The following PRKCQ variants were observed in gnomAD, a reference collection of about 807,000 sequenced individuals.
PRKCQ encodes protein kinase C theta type.
A neutral mutation model predicts 91.2 loss-of-function variants in PRKCQ; 41 were observed. The observed-to-expected ratio is 0.45, with a 90% CI of 0.35 to 0.58. PRKCQ has a LOEUF of 0.58. PRKCQ is among the 20% of genes least tolerant of loss of function. The probability of loss-of-function intolerance (pLI) is 0.00; values close to 1 mark genes in which losing one functional copy is unlikely to be tolerated. For missense variants in PRKCQ, 673 were observed against 896.5 expected (o/e 0.75, Z 3.18); for synonymous variants, 307 against 316.9 (o/e 0.97, Z 0.33).
chr10:6,432,150 A>G lies in PRKCQ; in HGVS notation c.1837-1212T>C, dbSNP rs563905177. Among the ~76,000 whole-genome samples the G allele has an allele frequency of 1.3e-3, 193 of 152,354 alleles. 1 individual carries two copies. The highest frequency in any genetic ancestry group is 3.7e-3 in the African/African-American group (154 of 41,582). On this transcript the variant is annotated intron_variant, in intron 16 of 17. Coordinates refer to ENST00000263125, the MANE Select transcript of PRKCQ (RefSeq NM_006257.5). ...TAAGGAGCCTAAGGTTCTTTAAAAC[A>G]GAAAACATGGTGGAACGCGTGATTT...
At chr10:6,512,988 T>C (rs982343446) in intron 2 of PRKCQ, among the ~76,000 whole-genome samples, 1 of 152,188 alleles carries the variant, frequency 6.6e-6, no homozygotes, top group African/African-American at 2.4e-5. Context: ...GATACTTCCT[T>C]TTGATGGTAA....
At chr10:6,479,782 A>AAG (rs1836486518) in intron 11 of PRKCQ, among the ~76,000 whole-genome samples, 1 of 148,526 alleles carries the variant, frequency 6.7e-6, no homozygotes, top group East Asian at 2.0e-4. Flanking sequence ...AAAAAAAAAA[A>AAG]AAAAAAAAAA....
At chr10:6,508,848 G>A (rs1838327978) in intron 3 of PRKCQ, among the ~76,000 whole-genome samples, 1 of 152,192 alleles carries the variant, frequency 6.6e-6, no homozygotes, top group African/African-American at 2.4e-5. Context: ...AGCACATTTT[G>A]GGGAGTGAAT....
At chr10:6,530,513 G>T (rs1839353844) in intron 1 of PRKCQ, among the ~76,000 whole-genome samples, 1 of 152,242 alleles carries the variant, frequency 6.6e-6, no homozygotes, top group Non-Finnish European at 1.5e-5. Flanking sequence ...TGCCGGCTCT[G>T]CCCGGCAACG....
At chr10:6,436,101 G>A (rs747901525) in intron 16 of PRKCQ, among the ~76,000 whole-genome samples, 16 of 152,126 alleles carry the variant, frequency 1.1e-4, no homozygotes, top group South Asian at 2.1e-4. Flanking sequence ...GTGACAGAGC[G>A]ACACTCTGTC....
chr10:6,401,603 A>G, the PRKCQ span, among the ~76,000 whole-genome samples: 1 of 151,954 alleles, frequency 6.6e-6, no homozygotes. Context: ...ACTGATTACA[A>G]CACCTGGGGT....
At chr10:6,480,615 C>T (rs888833934) in intron 11 of PRKCQ, among the ~76,000 whole-genome samples, 2 of 152,234 alleles carry the variant, frequency 1.3e-5, no homozygotes, top group African/African-American at 2.4e-5. Context: ...CCAATTACTA[C>T]TGCATTCTCT....
intron 3 of PRKCQ, among the ~76,000 whole-genome samples, chr10:6,508,048 C>A (rs1180851125): frequency 6.6e-6 from 1 of 152,078 alleles, no homozygotes; most frequent in Non-Finnish European, 1.5e-5. Flanking sequence ...TTGGATGGTC[C>A]ACTAAAGAAA....
chr10:6,432,185 C>T (rs1208870591), intron 16 of PRKCQ, among the ~76,000 whole-genome samples: 1 of 152,134 alleles, frequency 6.6e-6, no homozygotes, highest in African/African-American at 2.4e-5. Context: ...TTCCAGGAGG[C>T]TTTCCCAGGG....
At chr10:6,525,903 G>T (rs1159195705) in intron 1 of PRKCQ, among the ~76,000 whole-genome samples, 1 of 152,108 alleles carries the variant, frequency 6.6e-6, no homozygotes, top group Non-Finnish European at 1.5e-5. Flanking sequence ...CTCCTTTCTA[G>T]ACCTCAGCTC....
At chr10:6,571,204 A>G (rs1841033501) in intron 1 of PRKCQ, among the ~76,000 whole-genome samples, 1 of 151,924 alleles carries the variant, frequency 6.6e-6, no homozygotes, top group Admixed American at 6.6e-5. Context: ...ATGTGTAGAC[A>G]CTGGAAAAAG....
At chr10:6,510,456 G>A (rs1298545871) in intron 3 of PRKCQ, among the ~76,000 whole-genome samples, 3 of 152,082 alleles carry the variant, frequency 2.0e-5, no homozygotes, top group African/African-American at 7.2e-5. Flanking sequence ...CTATCCTCTC[G>A]CATTCTGATA....
At chr10:6,474,997 A>C (rs1286736917) in intron 12 of PRKCQ, among the ~76,000 whole-genome samples, 1 of 152,208 alleles carries the variant, frequency 6.6e-6, no homozygotes. Flanking sequence ...AAAAAAGTAA[A>C]AGAAAGAAGA....
chr10:6,485,902 C>CA (rs1836887211), intron 9 of PRKCQ, 133 bp downstream of exon 9: 10 of 702,068 alleles, frequency 1.4e-5, no homozygotes, highest in Non-Finnish European at 2.4e-5. Flanking sequence ...ATATGAAAGC[C>CA]AAGGGCAAGG....
intron 8 of PRKCQ, among the ~76,000 whole-genome samples, chr10:6,488,389 T>G (rs1383964764): frequency 2.0e-5 from 1 of 49,674 alleles, no homozygotes; most frequent in East Asian, 6.2e-4. Flanking sequence ...AACTATTACT[T>G]TTTTTTTTTT....
intron 2 of PRKCQ, among the ~76,000 whole-genome samples, chr10:6,514,236 A>C (rs1838636087): frequency 6.6e-6 from 1 of 152,274 alleles, no homozygotes. Context: ...GGAAACAAGA[A>C]AAGGTGTGCA....
intron 17 of PRKCQ, 90 bp from the exon 18 acceptor site, chr10:6,428,452 G>C: frequency 1.3e-5 from 18 of 1,430,288 alleles, no homozygotes; most frequent in Non-Finnish European, 1.7e-5. Flanking sequence ...GCCGTGATCT[G>C]CGTATGGCAA....
downstream of PRKCQ, among the ~76,000 whole-genome samples, chr10:6,422,890 G>T (rs371790559): frequency 7.9e-5 from 12 of 152,330 alleles, no homozygotes; most frequent in East Asian, 1.7e-3. Context: ...GTGCCTCTCA[G>T]ATGACCCCCT....
At chr10:6,548,269 T>G (rs890116452) in intron 1 of PRKCQ, among the ~76,000 whole-genome samples, 2,341 of 151,534 alleles carry the variant, frequency 0.015, 59 homozygotes, top group African/African-American at 0.054. Context: ...ATAGGAACAC[T>G]TTTACACTGT....
Sources: allele counts gnomAD v4.1 joint callset (sites outside exome capture counted in the v4.1 genomes callset), GRCh38; gene constraint gnomAD v4.1.1; transcripts MANE v1.5; gene names NCBI Gene and HGNC (gene_info 2026-07-23, HGNC 2026-07-21).